The following PEPD variants were observed in gnomAD, a reference collection of about 807,000 sequenced individuals.
PEPD encodes the protein peptidase D, also known as xaa-Pro dipeptidase.
A neutral mutation model predicts 60.7 loss-of-function variants in PEPD; 53 were observed. The observed-to-expected ratio is 0.87, with a 90% CI of 0.70 to 1.10. The LOEUF is 1.10. PEPD is among the 50% of genes least tolerant of loss of function. The pLI, the probability that PEPD is intolerant of heterozygous loss-of-function variation, is 0.00. For synonymous variants in PEPD, 267 were observed against 284.1 expected (o/e 0.94, Z 0.60); for missense variants, 711 against 711.9 (o/e 1.00, Z 0.01).
At chr19:33,517,385 CCT>C (rs1474645592) in intron 1 of PEPD, among the ~76,000 whole-genome samples, 5 of 151,864 alleles carry the variant, frequency 3.3e-5, no homozygotes, top group East Asian at 1.9e-4. Flanking sequence ...ATGGTGAGCC[CCT>C]GTGTCTACTA....
intron 4 of PEPD, among the ~76,000 whole-genome samples, chr19:33,494,878 C>T (rs1334367458): frequency 6.6e-6 from 1 of 152,154 alleles, no homozygotes; most frequent in Non-Finnish European, 1.5e-5. Context: ...ACTTAAATTA[C>T]ATCTAATACA....
chr19:33,472,860 C>T (rs10408013), intron 7 of PEPD, among the ~76,000 whole-genome samples: 44,787 of 151,970 alleles, frequency 0.29, 7,096 homozygotes, highest in African/African-American at 0.4. Flanking sequence ...CCACTGAACC[C>T]GCAACAACTA....
chr19:33,517,387 T>C (rs961830330), intron 1 of PEPD, among the ~76,000 whole-genome samples: 3 of 151,016 alleles, frequency 2.0e-5, no homozygotes, highest in African/African-American at 7.3e-5. Flanking sequence ...GGTGAGCCCC[T>C]GTGTCTACTA....
Position 33,474,709 on chromosome 19 carries a change from G to A in PEPD, c.548+3337C>T, listed in dbSNP as rs572781169. ...AAAAAAAAAGTGCCAGGCTGGGTGC[G>A]GTGGCTCACGCCTATAATCCCAACA... On this transcript the variant is annotated intron_variant, in intron 7 of 14. Transcript: ENST00000244137. 3.0e-3 allele frequency among the ~76,000 whole-genome samples: 461 copies of A among 151,976 alleles called. 2 individuals carry two copies. Among genetic ancestry groups the A allele is most frequent in the Non-Finnish European group, 5.3e-3 (359 of 67,952 alleles).
At chr19:33,492,043 C>CAAAAAA (rs757173823) in intron 5 of PEPD, among the ~76,000 whole-genome samples, 2 of 81,552 alleles carry the variant, frequency 2.5e-5, no homozygotes, top group African/African-American at 4.3e-5. Flanking sequence ...TATTCCATTT[C>CAAAAAA]AAAAAAAAAA....
At chr19:33,410,060 G>C (rs1279167828) in intron 11 of PEPD, among the ~76,000 whole-genome samples, 2 of 152,210 alleles carry the variant, frequency 1.3e-5, no homozygotes, top group Non-Finnish European at 2.9e-5. Context: ...CCATTTGTGG[G>C]GCTCACTGTG....
chr19:33,443,208 A>G (rs557286481), intron 9 of PEPD, among the ~76,000 whole-genome samples: 226 of 152,340 alleles, frequency 1.5e-3, no homozygotes, highest in Non-Finnish European at 2.5e-3. Context: ...ACTGAACACC[A>G]TGTTTTCAAG....
At chr19:33,510,837 T>C in intron 3 of PEPD, among the ~76,000 whole-genome samples, 191 bp downstream of exon 3, 1 of 152,136 alleles carries the variant, frequency 6.6e-6, no homozygotes, top group East Asian at 1.9e-4. Flanking sequence ...AGCTCTAACA[T>C]CCCTTCCCAG....
chr19:33,521,163 A>C (rs1185323628), intron 1 of PEPD, among the ~76,000 whole-genome samples: 3 of 152,220 alleles, frequency 2.0e-5, no homozygotes, highest in Admixed American at 2.0e-4. Flanking sequence ...GGCTACTGAG[A>C]AGCAGGTAAC....
At chr19:33,405,636 G>T (rs985579895) in intron 11 of PEPD, among the ~76,000 whole-genome samples, 1 of 152,226 alleles carries the variant, frequency 6.6e-6, no homozygotes, top group Admixed American at 6.5e-5. Flanking sequence ...TGGTCTCCAG[G>T]GTGCATGGGC....
intron 9 of PEPD, among the ~76,000 whole-genome samples, chr19:33,457,984 T>C (rs34669859): frequency 0.17 from 26,342 of 152,162 alleles, 2,524 homozygotes; most frequent in African/African-American, 0.2. Context: ...TGGCTCTGTA[T>C]GGGTTGGGGG....
chr19:33,427,516 C>T (rs1384668246), intron 9 of PEPD, among the ~76,000 whole-genome samples: 1 of 152,188 alleles, frequency 6.6e-6, no homozygotes, highest in East Asian at 1.9e-4. Flanking sequence ...ATCCCAGAGA[C>T]ACAGGGCAAG....
intron 12 of PEPD, chr19:33,394,981 CAG>C (rs760855731): frequency 9.2e-5 from 14 of 152,448 alleles, no homozygotes; most frequent in Admixed American, 1.3e-4. Context: ...ACGGGGCAAA[CAG>C]GGCCATTCCC....
At chr19:33,394,457 T>G (rs1395477640) in intron 12 of PEPD, among the ~76,000 whole-genome samples, 1 of 152,240 alleles carries the variant, frequency 6.6e-6, no homozygotes, top group African/African-American at 2.4e-5. Context: ...GGGAAGGCCT[T>G]GCACACAGCT....
At chr19:33,466,985 A>G (rs868084483) in intron 7 of PEPD, among the ~76,000 whole-genome samples, 17 of 151,706 alleles carry the variant, frequency 1.1e-4, no homozygotes, top group South Asian at 4.2e-4. Flanking sequence ...GTGAAACCCC[A>G]TCTCTACTAA....
At chr19:33,422,457 T>C (rs1364855713) in intron 9 of PEPD, among the ~76,000 whole-genome samples, 2 of 144,730 alleles carry the variant, frequency 1.4e-5, no homozygotes, top group Non-Finnish European at 3.0e-5. Flanking sequence ...TATCTACCCA[T>C]CCATCTATCA....
rs867469070 is a variant in PEPD at position 33,506,956 on chromosome 19, A to T, written c.329+4072T>A. 5.4e-4 allele frequency among the ~76,000 whole-genome samples: 71 copies of T among 130,750 alleles called. 1 individual carries two copies. Among genetic ancestry groups the T allele is most frequent in the African/African-American group, 1.9e-3 (65 of 34,090 alleles). The allele number at this position is 130,750 out of a possible 152,430, so 85.8% of individuals were successfully genotyped here. ...ACAACATACTCTACATGCATCACAC[A>T]CCCCCAACATATGTCCTCTCCACAT... On this transcript the variant is annotated intron_variant, in intron 3 of 14. Transcript: ENST00000244137.
chr19:33,426,142 CAT>C (rs1455771247), intron 9 of PEPD, among the ~76,000 whole-genome samples: 1 of 152,122 alleles, frequency 6.6e-6, no homozygotes, highest in Non-Finnish European at 1.5e-5. Flanking sequence ...TTAGGGAACA[CAT>C]GTTTGGCAGA....
At chr19:33,428,852 C>T (rs943428257) in intron 9 of PEPD, among the ~76,000 whole-genome samples, 1 of 152,240 alleles carries the variant, frequency 6.6e-6, no homozygotes, top group Non-Finnish European at 1.5e-5. Context: ...GCAGGAACAG[C>T]AGGCCTGAAC....
Sources: allele counts gnomAD v4.1 joint callset (sites outside exome capture counted in the v4.1 genomes callset), GRCh38; gene constraint gnomAD v4.1.1; transcripts MANE v1.5; gene names NCBI Gene and HGNC (gene_info 2026-07-23, HGNC 2026-07-21).